Variants in PRKCH observed in about 807,000 individuals in gnomAD.
The protein encoded by PRKCH is protein kinase C eta.
PRKCH carries 28 observed loss-of-function variants against 82.5 expected under a neutral mutation model. The ratio of observed to expected loss-of-function variants is 0.34; its 90% CI spans 0.25 to 0.47. The LOEUF is 0.47. Among genes scored for constraint, PRKCH ranks in the 20% least tolerant of loss-of-function variants. The probability of loss-of-function intolerance (pLI) is 1.00; values close to 1 mark genes in which losing one functional copy is unlikely to be tolerated. For synonymous variants in PRKCH, 322 were observed against 327.4 expected (o/e 0.98, Z 0.18); for missense variants, 705 against 881.8 (o/e 0.80, Z 2.54).
At chr14:61,307,685 T>C (rs2045493498) in intron 1 of PRKCH, among the ~76,000 whole-genome samples, 1 of 152,056 alleles carries the variant, frequency 6.6e-6, no homozygotes, top group Non-Finnish European at 1.5e-5. Context: ...ATTACAATGC[T>C]GTTTTTTTGT....
intron 2 of PRKCH, among the ~76,000 whole-genome samples, chr14:61,431,458 C>T (rs1883392685): frequency 6.6e-6 from 1 of 152,132 alleles, no homozygotes; most frequent in Non-Finnish European, 1.5e-5. Flanking sequence ...TACTTTAACT[C>T]CTGCTCTAAA....
At chr14:61,547,015 C>T (rs138636165) in intron 12 of PRKCH, among the ~76,000 whole-genome samples, 3 of 152,318 alleles carry the variant, frequency 2.0e-5, no homozygotes, top group East Asian at 1.9e-4. Flanking sequence ...TACAGAGAAT[C>T]TCTATGCACA....
rs1270287223 is a variant in PRKCH at position 61,188,448 on chromosome 14, G to A, written c.-19+780G>A. Among the ~76,000 whole-genome samples the A allele has an allele frequency of 4.0e-5, 6 of 150,764 alleles. No individual in the cohort carries two copies. In the Admixed American group the frequency reaches 4.0e-4, roughly 10 times the overall value. On this transcript the variant is annotated intron_variant, in intron 1 of 3. Coordinates refer to the PRKCH transcript ENST00000555185. ...TGGCTCCGGCTCCGGCTCCGGGTCGGGCTCCCAGGCAGCGGCTCGGGCAGG... is the reference window on the plus strand; with the variant it reads ...TGGCTCCGGCTCCGGCTCCGGGTCGAGCTCCCAGGCAGCGGCTCGGGCAGG...
intron 1 of PRKCH, among the ~76,000 whole-genome samples, chr14:61,356,760 A>T (rs10873141): frequency 6.6e-6 from 1 of 152,222 alleles, no homozygotes; most frequent in Non-Finnish European, 1.5e-5. Flanking sequence ...CAGCTCACTG[A>T]AACCTCTGCC....
intron 7 of PRKCH, among the ~76,000 whole-genome samples, chr14:61,456,248 T>G (rs1297900745): frequency 6.6e-6 from 1 of 152,200 alleles, no homozygotes; most frequent in East Asian, 1.9e-4. Context: ...GCTCAGGGTC[T>G]TAGGTTAGCT....
intron 7 of PRKCH, among the ~76,000 whole-genome samples, chr14:61,455,508 G>C (rs946508696): frequency 6.6e-6 from 1 of 152,108 alleles, no homozygotes; most frequent in Non-Finnish European, 1.5e-5. Flanking sequence ...TTTGAAATCC[G>C]GTCTGTCTGT....
chr14:61,500,881 TCAAATGGTCCA>T (rs1352573216), intron 10 of PRKCH, among the ~76,000 whole-genome samples: 5 of 152,136 alleles, frequency 3.3e-5, no homozygotes, highest in Non-Finnish European at 7.3e-5. Context: ...TGGAACTCCT[TCAAATGGTCCA>T]TCTCAAAGTT....
At chr14:61,345,611 A>C (rs2045982097) in intron 1 of PRKCH, among the ~76,000 whole-genome samples, 1 of 152,262 alleles carries the variant, frequency 6.6e-6, no homozygotes, top group African/African-American at 2.4e-5. Context: ...GGAGATACAC[A>C]ATAAGGATTA....
At chr14:61,297,814 G>A (rs2045417237) in intron 1 of PRKCH, among the ~76,000 whole-genome samples, 1 of 152,178 alleles carries the variant, frequency 6.6e-6, no homozygotes, top group Admixed American at 6.5e-5. Flanking sequence ...TGGCCTGGGG[G>A]TTGGGGACCC....
In PRKCH at chr14:61,254,629, CAAAA is replaced by C. The variant is rs536874158; in HGVS notation, c.-19+66962_-19+66965del. The stretch of plus-strand genomic sequence containing the variant: ...GTTTAAAAAACAAAACAAAATAAAA[CAAAA>C]CAAACAAACAAACATAAAAACCTAC... On this transcript the variant is annotated intron_variant, in intron 1 of 3. Coordinates refer to the PRKCH transcript ENST00000555185. 7.9e-5 allele frequency among the ~76,000 whole-genome samples: 12 copies of C among 151,878 alleles called. 1 individual carries two copies. In the East Asian group the frequency reaches 2.4e-3, roughly 30 times the overall value.
chr14:61,549,010 T>G (rs1227182893), intron 13 of PRKCH, among the ~76,000 whole-genome samples: 2 of 152,176 alleles, frequency 1.3e-5, no homozygotes, highest in African/African-American at 4.8e-5. Flanking sequence ...GTGCACTTAA[T>G]CACTAACAGC....
At chr14:61,422,311 C>G (rs1882878879) in intron 2 of PRKCH, among the ~76,000 whole-genome samples, 1 of 152,152 alleles carries the variant, frequency 6.6e-6, no homozygotes, top group Non-Finnish European at 1.5e-5. Context: ...CCTCAAACTC[C>G]TGGCCTCAAG....
At chr14:61,222,356 T>C (rs1406218850) in intron 1 of PRKCH, among the ~76,000 whole-genome samples, 1 of 152,244 alleles carries the variant, frequency 6.6e-6, no homozygotes, top group Non-Finnish European at 1.5e-5. Flanking sequence ...ATTTATTTGG[T>C]GTTGTGTAGA....
At chr14:61,232,735 T>C (rs1436209758) in intron 1 of PRKCH, among the ~76,000 whole-genome samples, 1 of 152,188 alleles carries the variant, frequency 6.6e-6, no homozygotes, top group Non-Finnish European at 1.5e-5. Context: ...GCCTAATTGA[T>C]TAAATCATTG....
At chr14:61,410,637 T>A (rs1192701867) in intron 2 of PRKCH, among the ~76,000 whole-genome samples, 1 of 152,350 alleles carries the variant, frequency 6.6e-6, no homozygotes, top group East Asian at 1.9e-4. Context: ...GCTAAATTAC[T>A]CCTTCTGCAG....
chr14:61,258,717 T>C (rs1404474877), intron 1 of PRKCH, among the ~76,000 whole-genome samples: 1 of 152,224 alleles, frequency 6.6e-6, no homozygotes, highest in East Asian at 1.9e-4. Flanking sequence ...ACAAATATTA[T>C]TATTAAAGTT....
intron 1 of PRKCH, among the ~76,000 whole-genome samples, chr14:61,190,216 A>G (rs1226893440): frequency 6.6e-6 from 1 of 152,188 alleles, no homozygotes; most frequent in Non-Finnish European, 1.5e-5. Flanking sequence ...TCTTCTGAAT[A>G]AAACAATTTT....
chr14:61,259,669 A>G (rs998201929), intron 1 of PRKCH, among the ~76,000 whole-genome samples: 7 of 152,224 alleles, frequency 4.6e-5, no homozygotes, highest in Admixed American at 1.3e-4. Context: ...GCTCTGGTCA[A>G]TTAATCTTTT....
At chr14:61,455,175 A>G (rs60490835) in intron 7 of PRKCH, among the ~76,000 whole-genome samples, 10,700 of 146,950 alleles carry the variant, frequency 0.073, 921 homozygotes, top group East Asian at 0.27. Flanking sequence ...GACTATAGGC[A>G]CCCGCCACCA....
Sources: gnomAD v4.1 joint callset for allele counts (sites outside exome capture counted in the v4.1 genomes callset) on GRCh38, gnomAD v4.1.1 for gene constraint, MANE v1.5 for transcripts, NCBI Gene and HGNC (gene_info 2026-07-23, HGNC 2026-07-21) for gene names.